UGT1A7: variants seen among roughly 807,000 people sequenced by gnomAD.
UGT1A7 encodes the protein UDP glucuronosyltransferase family 1 member A7.
A neutral mutation model predicts 45.6 loss-of-function variants in UGT1A7; 33 were observed. The observed-to-expected ratio is 0.72, with a 90% CI of 0.55 to 0.97. The LOEUF is 0.97. Among genes scored for constraint, UGT1A7 ranks in the 50% least tolerant of loss-of-function variants. The pLI, the probability that UGT1A7 is intolerant of heterozygous loss-of-function variation, is 0.00. For synonymous variants in UGT1A7, 274 were observed against 250.6 expected (o/e 1.09, Z -0.88); for missense variants, 684 against 666.2 (o/e 1.03, Z -0.29).
intron 1 of UGT1A7, among the ~76,000 whole-genome samples, chr2:233,758,095 C>A (rs1037336650): frequency 2.0e-5 from 3 of 152,150 alleles, no homozygotes; most frequent in Non-Finnish European, 2.9e-5. Context: ...ATAGTGACTG[C>A]CATCCAGTAG....
At chr2:233,733,441 G>A (rs189365163) in intron 1 of UGT1A7, among the ~76,000 whole-genome samples, 194 of 152,182 alleles carry the variant, frequency 1.3e-3, no homozygotes, top group Non-Finnish European at 1.4e-3. Context: ...TATTGGCTGC[G>A]GGTTTGTCAT....
chr2:233,766,832 C>T (rs1042829925), intron 1 of UGT1A7, among the ~76,000 whole-genome samples: 12 of 152,168 alleles, frequency 7.9e-5, no homozygotes, highest in African/African-American at 2.9e-4. Context: ...ATTCTGTAAG[C>T]AGGAACCCTT....
intron 1 of UGT1A7, among the ~76,000 whole-genome samples, chr2:233,738,177 G>A (rs1690719124): frequency 1.3e-5 from 2 of 152,158 alleles, no homozygotes; most frequent in Non-Finnish European, 2.9e-5. Context: ...TTTCATGTAA[G>A]ACGTGTCTTT....
intron 1 of UGT1A7, chr2:233,753,260 C>T (rs917926378): frequency 2.6e-5 from 4 of 152,220 alleles, no homozygotes; most frequent in African/African-American, 9.6e-5. Context: ...ACTACCCAGG[C>T]ACCTTGGAGC....
intron 1 of UGT1A7, chr2:233,690,796 CACA>C (rs565926671): frequency 2.6e-6 from 3 of 1,135,126 alleles, no homozygotes; most frequent in South Asian, 2.0e-5. Context: ...CACACACACA[CACA>C]CCATTCTTAG....
At position 233,682,078 on chromosome 2, in the gene UGT1A7, A is replaced by T; in HGVS notation, c.141A>T (p.Lys47Asn). Residue 47 changes from lysine (K) to asparagine (N), a missense_variant, in exon 1 of 5, where the codon AAA becomes AAT. By Grantham distance (94) the Lys-to-Asn change is moderately conservative (BLOSUM62 0). Coordinates refer to ENST00000373426, the MANE Select transcript of UGT1A7 (RefSeq NM_019077.3). ...TCACCATGCAGTCGGTGGTGGAGAA[A>T]CTCATCCTCAGGGGGCATGAGGTGG... is the stretch of plus-strand genomic sequence containing the variant. ...HWFTMQSVVEKLILRGHEVVV... is the reference protein window; with the variant it reads ...HWFTMQSVVENLILRGHEVVV... 6.2e-7 allele frequency: 1 copy of T among 1,613,992 alleles called. No homozygotes were observed. Among genetic ancestry groups the T allele is most frequent in the Non-Finnish European group, 8.5e-7 (1 of 1,179,992 alleles).
At chr2:233,718,708 A>G (rs1400639249) in intron 1 of UGT1A7, 2 of 1,605,214 alleles carry the variant, frequency 1.2e-6, no homozygotes, top group Non-Finnish European at 1.7e-6. Context: ...TTTGTCTTCC[A>G]ATTACATGCT....
At chr2:233,742,275 G>A (rs530513116) in intron 1 of UGT1A7, among the ~76,000 whole-genome samples, 1 of 152,110 alleles carries the variant, frequency 6.6e-6, no homozygotes, top group East Asian at 1.9e-4. Context: ...CCTGTGATAA[G>A]CATCATTTCT....
chr2:233,690,797 ACAC>A, intron 1 of UGT1A7: 1 of 1,089,612 alleles, frequency 9.2e-7, no homozygotes, highest in Non-Finnish European at 1.1e-6. Flanking sequence ...ACACACACAC[ACAC>A]CATTCTTAGT....
intron 1 of UGT1A7, chr2:233,729,486 G>C: frequency 6.2e-7 from 1 of 1,614,202 alleles, no homozygotes; most frequent in Non-Finnish European, 8.5e-7. Context: ...TGAACAATAT[G>C]TCTTTGGTCT....
chr2:233,744,538 A>C (rs4663967), intron 1 of UGT1A7, among the ~76,000 whole-genome samples: 82,778 of 151,254 alleles, frequency 0.55, 24,850 homozygotes, highest in African/African-American at 0.8. Context: ...TTTTATGTAA[A>C]TTTTATTAAG....
intron 1 of UGT1A7, chr2:233,719,658 A>C: frequency 1.2e-6 from 2 of 1,614,068 alleles, no homozygotes; most frequent in Non-Finnish European, 1.7e-6. Context: ...TGGGGGCATC[A>C]ACTGTGCCAA....
In UGT1A7 at chr2:233,707,494, G is replaced by A. The variant is rs114941817; in HGVS notation, c.855+24702G>A. On this transcript the variant is annotated intron_variant, in intron 1 of 4. Coordinates refer to ENST00000373426, the MANE Select transcript of UGT1A7 (RefSeq NM_019077.3). The stretch of plus-strand genomic sequence containing the variant: ...TAATACAGATGATTTTACCTGTTTC[G>A]GTACTTAACATAAATAGAATTTTAC... 7.8e-3 allele frequency among the ~76,000 whole-genome samples: 1,157 copies of A among 148,098 alleles called. 11 individuals are homozygous for A. Among genetic ancestry groups the A allele is most frequent in the African/African-American group, 0.026 (1,051 of 40,534 alleles).
intron 1 of UGT1A7, among the ~76,000 whole-genome samples, chr2:233,706,871 C>A (rs186503307): frequency 1.3e-5 from 2 of 152,324 alleles, no homozygotes; most frequent in East Asian, 3.9e-4. Flanking sequence ...CTAGACCTGG[C>A]ACTTCCCAGC....
At chr2:233,698,855 T>C (rs2075465931) in intron 1 of UGT1A7, among the ~76,000 whole-genome samples, 1 of 152,252 alleles carries the variant, frequency 6.6e-6, no homozygotes, top group Non-Finnish European at 1.5e-5. Context: ...TATTCCCATG[T>C]TGGTGTGACT....
At chr2:233,718,724 G>T (rs1307207827) in intron 1 of UGT1A7, 4 of 1,610,176 alleles carry the variant, frequency 2.5e-6, no homozygotes, top group Non-Finnish European at 3.4e-6. Flanking sequence ...ATGCTGATTT[G>T]CTAGGTGGCT....
intron 1 of UGT1A7, chr2:233,761,266 C>T: frequency 1.3e-6 from 2 of 1,594,552 alleles, no homozygotes; most frequent in South Asian, 1.1e-5. Context: ...ATTTAAAATG[C>T]CCTCTTTTGT....
chr2:233,769,404 C>A lies in UGT1A7; in HGVS notation c.1295+965C>A. The A allele has an allele frequency of 8.2e-7, 1 of 1,225,146 alleles. No homozygotes were observed. The highest frequency in any genetic ancestry group is 1.2e-6 in the Non-Finnish European group (1 of 856,112). The allele number at this position is 1,225,146 out of a possible 1,614,324, so 75.9% of individuals were successfully genotyped here. ...ACAATAGATACTGTGTGCATATGTGCGTGTGCGTTTGTGCATGTGGCTGTG... is the reference window on the plus strand; with the variant it reads ...ACAATAGATACTGTGTGCATATGTGAGTGTGCGTTTGTGCATGTGGCTGTG... On this transcript the variant is annotated intron_variant, in intron 4 of 4. Transcript: ENST00000373426. The surrounding 1 kb of genome is among the most constrained non-coding windows in gnomAD (Gnocchi z 4.4).
intron 1 of UGT1A7, among the ~76,000 whole-genome samples, chr2:233,750,094 GAGAGCTC>G (rs2125902484): frequency 6.6e-6 from 1 of 152,024 alleles, no homozygotes; most frequent in South Asian, 2.1e-4. Context: ...GAACAGTTTG[GAGAGCTC>G]AGAAGAAGAC....
Sources: gnomAD v4.1 joint callset for allele counts (sites outside exome capture counted in the v4.1 genomes callset) on GRCh38, gnomAD v4.1.1 for gene constraint, Gnocchi (gnomAD v3.1) non-coding constraint, MANE v1.5 for transcripts, NCBI Gene and HGNC (gene_info 2026-07-23, HGNC 2026-07-21) for gene names.